ANKHD1: variants seen among roughly 807,000 people sequenced by gnomAD.
The protein encoded by ANKHD1 is ankyrin repeat and KH domain containing 1.
In ANKHD1, 31 loss-of-function variants were observed where a neutral mutation model predicts 230.5. The observed-to-expected ratio is 0.13, with a 90% CI of 0.10 to 0.18. The LOEUF (loss-of-function observed/expected upper bound fraction) is 0.18. Ranked by LOEUF, ANKHD1 falls within the 10% of genes least tolerant of loss-of-function variation. ANKHD1 has a pLI of 1.00. For missense variants in ANKHD1, 2,256 were observed against 3,071.3 expected, an observed-to-expected ratio of 0.73 and a Z score of 6.27; for synonymous variants, 1,074 against 1,117.6, an observed-to-expected ratio of 0.96 and a Z score of 0.78.
At chr5:140,488,891 C>A (rs1050848392) in intron 14 of ANKHD1, among the ~76,000 whole-genome samples, 4 of 151,630 alleles carry the variant, frequency 2.6e-5, no homozygotes, top group African/African-American at 7.3e-5. Flanking sequence ...TGGAGTGAGA[C>A]TCTCAGAAAA....
Position 140,524,259 on chromosome 5 carries a change from G to A in ANKHD1, c.4492+19G>A, listed in dbSNP as rs1424331073. 13 of 1,543,834 alleles carry A rather than the reference G, an allele frequency of 8.4e-6. No homozygotes were observed. The highest frequency in any genetic ancestry group is 1.1e-5 in the Non-Finnish European group (13 of 1,156,012). On this transcript the variant is annotated intron_variant, in intron 25 of 33. Transcript: ENST00000360839. ...GAAGATGGTGAGAAACAAACCATCT[G>A]AATTAACGATAAAATTCTCCTTTGT...
At chr5:140,508,208 T>G (rs1561811381) in intron 20 of ANKHD1, among the ~76,000 whole-genome samples, 1 of 152,210 alleles carries the variant, frequency 6.6e-6, no homozygotes, top group African/African-American at 2.4e-5. Flanking sequence ...GAATTAGTAC[T>G]TTTCCCAACC....
At chr5:140,402,674 C>T (rs1242138191) in intron 1 of ANKHD1, among the ~76,000 whole-genome samples, 1 of 152,180 alleles carries the variant, frequency 6.6e-6, no homozygotes, top group Non-Finnish European at 1.5e-5. Context: ...CTCTTCTTTG[C>T]CTCTCCTCAG....
chr5:140,415,024 C>A (rs1771242841), intron 1 of ANKHD1, among the ~76,000 whole-genome samples: 1 of 152,038 alleles, frequency 6.6e-6, no homozygotes, highest in South Asian at 2.1e-4. Context: ...TTTTGATGAA[C>A]CTAATTTATC....
At chr5:140,481,197 G>A (rs1751259175) in intron 10 of ANKHD1, among the ~76,000 whole-genome samples, 1 of 152,014 alleles carries the variant, frequency 6.6e-6, no homozygotes, top group African/African-American at 2.4e-5. Context: ...GAAATAAGTT[G>A]GATAGAAAAA....
At chr5:140,419,832 TTCTTTTTCTTTC>T (rs1771783166) in intron 1 of ANKHD1, among the ~76,000 whole-genome samples, 1 of 139,150 alleles carries the variant, frequency 7.2e-6, no homozygotes, top group Non-Finnish European at 1.6e-5. Context: ...CTTTCTTTCT[TTCTTTTTCTTTC>T]TCTTTCTTTT....
intron 1 of ANKHD1, among the ~76,000 whole-genome samples, chr5:140,414,306 T>C (rs938975926): frequency 5.9e-5 from 9 of 152,216 alleles, no homozygotes; most frequent in Non-Finnish European, 8.8e-5. Context: ...TTGACATTCC[T>C]AACAGCAAAG....
Position 140,529,029 on chromosome 5 carries a change from A to G in ANKHD1, c.6083A>G (p.Lys2028Arg). 1 of 1,614,058 alleles carries G rather than the reference A, an allele frequency of 6.2e-7. No individual in the cohort carries two copies. The highest frequency in any genetic ancestry group is 8.5e-7 in the Non-Finnish European group (1 of 1,180,024). The change falls in exon 29 of 34, where the codon AAA becomes AGA. Residue 2028 changes from lysine to arginine, a missense_variant. Around this residue, in one of 13 missense-constraint regions of ANKHD1, gnomAD observed 778 missense variants for 966.5 expected, o/e 0.80. Coordinates refer to ENST00000360839, the MANE Select transcript of ANKHD1 (RefSeq NM_017747.3). ...TCTTTCTCTGCTGTGCCACCCACCA[A>G]AGAGAAAGTGTCCACACAGGACCAG... is the stretch of plus-strand genomic sequence containing the variant. ...MESFSAVPPT[K>R]EKVSTQDQPM...
intron 15 of ANKHD1, among the ~76,000 whole-genome samples, chr5:140,501,666 T>C (rs1316392615): frequency 6.6e-6 from 1 of 151,944 alleles, no homozygotes; most frequent in Admixed American, 6.6e-5. Flanking sequence ...AGGAGAATCC[T>C]TGAACCCAGG....
chr5:140,506,724 A>G lies in ANKHD1; in HGVS notation c.3409-111A>G. ...TAGGGTCTAATGAAATGTAATTAAA[A>G]TATCAGATATTTAGATAAGGAAGTT... On this transcript the variant is annotated intron_variant, in intron 18 of 33. Transcript: ENST00000360839. This position sits in a 1 kb window ranked among gnomAD's most constrained non-coding sequence, Gnocchi z 4.7. 6.9e-7 allele frequency: 1 copy of G among 1,456,702 alleles called. No homozygotes were observed. Among genetic ancestry groups the G allele is most frequent in the South Asian group, 1.3e-5 (1 of 76,466 alleles). The allele number at this position is 1,456,702 out of a possible 1,614,324, so 90.2% of individuals were successfully genotyped here. A position where few individuals can be genotyped will look rare whatever the true frequency, so the allele number is the denominator to read the frequency against.
chr5:140,407,098 C>T lies in ANKHD1; in HGVS notation c.306+4825C>T, dbSNP rs543260742. Reference sequence around the variant, plus strand: ...GGTCACAAGATCAGGAGTTTGAGACCAGCCAGACCAACATGGTGAAACCCC... The same window carrying T: ...GGTCACAAGATCAGGAGTTTGAGACTAGCCAGACCAACATGGTGAAACCCC... On this transcript the variant is annotated intron_variant, in intron 1 of 33. Coordinates refer to ENST00000360839, the MANE Select transcript of ANKHD1 (RefSeq NM_017747.3). 2.1e-4 allele frequency among the ~76,000 whole-genome samples: 31 copies of T among 150,744 alleles called. No individual in the cohort carries two copies. In the South Asian group the frequency reaches 6.5e-3, roughly 31 times the overall value.
At chr5:140,453,992 A>G (rs961547438) in intron 7 of ANKHD1, among the ~76,000 whole-genome samples, 7 of 152,244 alleles carry the variant, frequency 4.6e-5, no homozygotes, top group African/African-American at 1.4e-4. Context: ...AGACACACAT[A>G]GGTTCAAAAT....
chr5:140,514,276 C>T (rs2127065424), intron 24 of ANKHD1, among the ~76,000 whole-genome samples: 1 of 151,758 alleles, frequency 6.6e-6, no homozygotes, highest in Admixed American at 6.6e-5. Context: ...GGGTGGACTG[C>T]TTGAGCCCCA....
Position 140,485,541 on chromosome 5 carries a change from C to T in ANKHD1, c.1999-48C>T. On this transcript the variant is annotated intron_variant, in intron 12 of 33. Transcript: ENST00000360839. The surrounding 1 kb of genome is among the most constrained non-coding windows in gnomAD (Gnocchi z 4.8). Reference sequence around the variant, plus strand: ...TAAATGAGTTTTGATTTTATATGAGCTGCTAAGAAACTATAAAGAATTAAT... The same window carrying T: ...TAAATGAGTTTTGATTTTATATGAGTTGCTAAGAAACTATAAAGAATTAAT... 1 of 1,603,030 alleles carries T rather than the reference C, an allele frequency of 6.2e-7. No individual in the cohort carries two copies. Among genetic ancestry groups the T allele is most frequent in the South Asian group, 1.1e-5 (1 of 89,940 alleles).
chr5:140,518,840 G>A (rs957982950), intron 24 of ANKHD1, among the ~76,000 whole-genome samples: 1 of 152,154 alleles, frequency 6.6e-6, no homozygotes, highest in Admixed American at 6.5e-5. Flanking sequence ...TACTGAATGG[G>A]CAAAAACTGG....
intron 13 of ANKHD1, 134 bp from the exon 14 acceptor site, chr5:140,486,824 T>A (rs1581326056): frequency 3.5e-6 from 3 of 845,074 alleles, no homozygotes; most frequent in South Asian, 2.8e-5. Context: ...AAGCTTTTTT[T>A]AAAAAAAGCT....
intron 20 of ANKHD1, 138 bp downstream of exon 20, chr5:140,508,136 G>A (rs1752614282): frequency 7.6e-6 from 9 of 1,181,740 alleles, no homozygotes; most frequent in Non-Finnish European, 1.0e-5. Context: ...GGATTATGCT[G>A]TATAATAGTG....
intron 1 of ANKHD1, among the ~76,000 whole-genome samples, chr5:140,419,892 T>C (rs1771799337): frequency 1.0e-5 from 1 of 97,362 alleles, no homozygotes; most frequent in African/African-American, 4.1e-5. Flanking sequence ...TGTCCTTCCT[T>C]CCTTCCTTCC....
chr5:140,443,429 G>A (rs551740184), intron 5 of ANKHD1, among the ~76,000 whole-genome samples: 30 of 151,794 alleles, frequency 2.0e-4, no homozygotes, highest in African/African-American at 7.0e-4. Context: ...GGTGGCTCAC[G>A]CCTGTAATCC....
Sources: gnomAD v4.1 joint callset for allele counts (sites outside exome capture counted in the v4.1 genomes callset) on GRCh38, gnomAD v4.1.1 for gene constraint, gnomAD v4.1.1 regional missense constraint, Gnocchi (gnomAD v3.1) non-coding constraint, MANE v1.5 for transcripts, NCBI Gene and HGNC (gene_info 2026-07-23, HGNC 2026-07-21) for gene names.